The following FAM135B variants were observed in gnomAD, a reference collection of about 807,000 sequenced individuals.
FAM135B encodes the protein family with sequence similarity 135 member B, also known as protein FAM135B.
A neutral mutation model predicts 127.7 loss-of-function variants in FAM135B; 43 were observed. The ratio of observed to expected loss-of-function variants is 0.34; its 90% CI spans 0.26 to 0.43. The LOEUF (loss-of-function observed/expected upper bound fraction) is 0.43. Among genes scored for constraint, FAM135B ranks in the 20% least tolerant of loss-of-function variants. The probability of loss-of-function intolerance (pLI) is 1.00; values close to 1 mark genes in which losing one functional copy is unlikely to be tolerated. For missense variants in FAM135B, 1,558 were observed against 1,725.6 expected, an observed-to-expected ratio of 0.90 and a Z score of 1.72; for synonymous variants, 670 against 665.1, an observed-to-expected ratio of 1.01 and a Z score of -0.11.
At chr8:138,435,377 G>A (rs139300989) in intron 1 of FAM135B, among the ~76,000 whole-genome samples, 74 of 152,206 alleles carry the variant, frequency 4.9e-4, no homozygotes, top group African/African-American at 1.7e-3. Flanking sequence ...TCATCTCATT[G>A]ATGCCCCTAA....
At chr8:138,305,857 TATTTATATGTATAGAC>T (rs1240134711) in intron 3 of FAM135B, among the ~76,000 whole-genome samples, 5 of 152,182 alleles carry the variant, frequency 3.3e-5, no homozygotes, top group Middle Eastern at 3.2e-3. Flanking sequence ...TACATGTATA[TATTTATATGTATAGAC>T]ATTTATATGT....
chr8:138,178,768 C>T, intron 9 of FAM135B, 78 bp from the exon 10 acceptor site: 3 of 1,311,538 alleles, frequency 2.3e-6, no homozygotes, highest in Non-Finnish European at 3.2e-6. Flanking sequence ...GAAGTCTTTA[C>T]TGACTTTTCT....
intron 1 of FAM135B, among the ~76,000 whole-genome samples, chr8:138,409,486 G>A (rs1393169562): frequency 6.6e-6 from 1 of 152,108 alleles, no homozygotes; most frequent in Non-Finnish European, 1.5e-5. Context: ...AGCACATGCT[G>A]TTGGAAAAAA....
chr8:138,220,995 G>A (rs185651720), intron 7 of FAM135B, among the ~76,000 whole-genome samples: 1 of 152,310 alleles, frequency 6.6e-6, no homozygotes, highest in African/African-American at 2.4e-5. Context: ...AACGAAGTGA[G>A]ACCTACTATT....
At chr8:138,228,084 C>T (rs1006369029) in intron 7 of FAM135B, among the ~76,000 whole-genome samples, 8 of 152,116 alleles carry the variant, frequency 5.3e-5, no homozygotes. Flanking sequence ...CTGTCTTGGG[C>T]ACTTTATGTG....
chr8:138,318,897 C>T (rs560945029), intron 2 of FAM135B, among the ~76,000 whole-genome samples: 1 of 152,234 alleles, frequency 6.6e-6, no homozygotes, highest in South Asian at 2.1e-4. Flanking sequence ...TTCCTTTTAT[C>T]TCATGGGAAA....
At chr8:138,428,006 C>T (rs889505007) in intron 1 of FAM135B, among the ~76,000 whole-genome samples, 14 of 152,136 alleles carry the variant, frequency 9.2e-5, no homozygotes, top group African/African-American at 2.4e-4. Context: ...TCCCATGATA[C>T]TTTGCCTACT....
At chr8:138,423,945 C>T (rs868807546) in intron 1 of FAM135B, among the ~76,000 whole-genome samples, 1 of 152,146 alleles carries the variant, frequency 6.6e-6, no homozygotes, top group African/African-American at 2.4e-5. Flanking sequence ...CCATATTTCT[C>T]CCATTTGCTT....
At chr8:138,155,159 G>C (rs896258405) in intron 12 of FAM135B, among the ~76,000 whole-genome samples, 6 of 152,162 alleles carry the variant, frequency 3.9e-5, no homozygotes, top group Non-Finnish European at 5.9e-5. Flanking sequence ...TTAAAGAAAA[G>C]AACTTTCAAC....
At chr8:138,318,512 G>A (rs1225755782) in intron 2 of FAM135B, among the ~76,000 whole-genome samples, 1 of 152,142 alleles carries the variant, frequency 6.6e-6, no homozygotes, top group African/African-American at 2.4e-5. Flanking sequence ...AATCCTATGT[G>A]AAAGCAAGTA....
chr8:138,329,750 C>T (rs1448100811), intron 2 of FAM135B, among the ~76,000 whole-genome samples: 3 of 152,148 alleles, frequency 2.0e-5, no homozygotes, highest in Non-Finnish European at 4.4e-5. Context: ...TGGGAGAACT[C>T]AGTCCCACAT....
At chr8:138,286,713 C>G (rs192352615) in intron 3 of FAM135B, among the ~76,000 whole-genome samples, 4 of 152,274 alleles carry the variant, frequency 2.6e-5, no homozygotes, top group Admixed American at 2.6e-4. Context: ...GCCCAAGACT[C>G]CAGCAGGAGA....
At chr8:138,472,271 T>C (rs902986457) in intron 1 of FAM135B, among the ~76,000 whole-genome samples, 3 of 151,782 alleles carry the variant, frequency 2.0e-5, no homozygotes, top group African/African-American at 7.3e-5. Flanking sequence ...GAGGAAGAGG[T>C]TGACCATTCT....
Position 138,242,916 on chromosome 8 carries a change from A to C in FAM135B, c.669+26T>G. The C allele has an allele frequency of 6.3e-7, 1 of 1,595,610 alleles. No individual in the cohort carries two copies. The highest frequency in any genetic ancestry group is 8.5e-7 in the Non-Finnish European group (1 of 1,174,018). On this transcript the variant is annotated intron_variant, in intron 7 of 19. Coordinates refer to ENST00000395297, the MANE Select transcript of FAM135B (RefSeq NM_015912.4). The surrounding 1 kb of genome is among the most constrained non-coding windows in gnomAD (Gnocchi z 9.6). ...TGCAAAGTAAAGTTTGAAAGTTTTG[A>C]AGCAACTGCCCCACACAGGCCTTAC...
At chr8:138,380,009 T>C (rs1831741769) in intron 1 of FAM135B, among the ~76,000 whole-genome samples, 1 of 152,154 alleles carries the variant, frequency 6.6e-6, no homozygotes. Flanking sequence ...TCTGCATTTA[T>C]TAATGGCTAT....
At chr8:138,250,733 G>C in intron 6 of FAM135B, 108 bp downstream of exon 6, 1 of 1,256,224 alleles carries the variant, frequency 8.0e-7, no homozygotes, top group Non-Finnish European at 1.1e-6. Context: ...CAGCCTTAGA[G>C]AAACTCCCTT....
At chr8:138,142,739 C>T in intron 16 of FAM135B, 1 of 336,094 alleles carries the variant, frequency 3.0e-6, no homozygotes, top group South Asian at 4.7e-5. Context: ...AGTGTTAGAA[C>T]AAGAATTCAA....
Position 138,141,135 on chromosome 8 carries a change from G to A in FAM135B, c.3790+63C>T, listed in dbSNP as rs1392688320. 37 of 1,538,368 alleles carry A rather than the reference G, an allele frequency of 2.4e-5. No homozygotes were observed. The East Asian group carries it at 3.8e-4, about 16-fold the overall frequency. On this transcript the variant is annotated intron_variant, in intron 17 of 19. Transcript: ENST00000395297. The surrounding 1 kb of genome is among the most constrained non-coding windows in gnomAD (Gnocchi z 4.7). Reference sequence around the variant, plus strand: ...GTTCCAAGTGGAAGTACCTGTGCCCGGTTTCACGCCCCAGAGGCCCCAGAT... The same window carrying A: ...GTTCCAAGTGGAAGTACCTGTGCCCAGTTTCACGCCCCAGAGGCCCCAGAT...
At chr8:138,397,620 A>G (rs1832921950) in intron 1 of FAM135B, among the ~76,000 whole-genome samples, 1 of 152,144 alleles carries the variant, frequency 6.6e-6, no homozygotes, top group Admixed American at 6.5e-5. Context: ...AGCTATCCAT[A>G]TTATTAATTA....
Sources: allele counts gnomAD v4.1 joint callset (sites outside exome capture counted in the v4.1 genomes callset), GRCh38; gene constraint gnomAD v4.1.1; non-coding constraint Gnocchi (gnomAD v3.1); transcripts MANE v1.5; gene names NCBI Gene and HGNC (gene_info 2026-07-23, HGNC 2026-07-21).